Variants in NCALD observed in about 807,000 individuals in gnomAD.
NCALD encodes neurocalcin-delta.
NCALD carries 10 observed loss-of-function variants against 18.6 expected under a neutral mutation model. The ratio of observed to expected loss-of-function variants is 0.54; its 90% CI spans 0.33 to 0.91. The LOEUF is 0.91. Ranked by LOEUF, NCALD falls within the 40% of genes least tolerant of loss-of-function variation. The probability of loss-of-function intolerance (pLI) is 0.03; values close to 1 mark genes in which losing one functional copy is unlikely to be tolerated. For missense variants in NCALD, 184 were observed against 247.6 expected, an observed-to-expected ratio of 0.74 and a Z score of 1.72; for synonymous variants, 88 against 87.4, an observed-to-expected ratio of 1.01 and a Z score of -0.04.
chr8:101,690,935 G>A lies in NCALD; in HGVS notation c.485-1529C>T, dbSNP rs75635192. 1.0e-3 allele frequency: 1,000 copies of A among 985,432 alleles called. 20 individuals carry two copies. In the East Asian group the frequency reaches 0.062, roughly 61 times the overall value. 61.0% of individuals were successfully genotyped at this position (985,432 alleles called of 1,614,324 possible). A position where few individuals can be genotyped will look rare whatever the true frequency, so the allele number is the denominator to read the frequency against. On this transcript the variant is annotated intron_variant, in intron 3 of 3. Coordinates refer to ENST00000220931, the MANE Select transcript of NCALD (RefSeq NM_032041.3). ...GGGCAGACCTGGAGCTCGGCATGAC[G>A]TCTGGCTTTCTTCACTTAACTGTCT...
In NCALD at chr8:102,047,682, G is replaced by A. The variant is rs966316501; in HGVS notation, c.-209-27393C>T. 5.9e-5 allele frequency among the ~76,000 whole-genome samples: 9 copies of A among 152,260 alleles called. No individual in the cohort carries two copies. In the South Asian group the frequency reaches 6.2e-4, roughly 11 times the overall value. On this transcript the variant is annotated intron_variant, in intron 1 of 6. Transcript: ENST00000311028. ...GGTACCGTTTATTGAGCATTTATCCGGGACCAAGCATTAGCCTAAGCCTTT... is the reference window on the plus strand; with the variant it reads ...GGTACCGTTTATTGAGCATTTATCCAGGACCAAGCATTAGCCTAAGCCTTT...
intron 1 of NCALD, among the ~76,000 whole-genome samples, chr8:101,753,880 C>G (rs1454582356): frequency 6.6e-6 from 1 of 152,182 alleles, no homozygotes; most frequent in Non-Finnish European, 1.5e-5. Flanking sequence ...AGCACTCTAC[C>G]TCTGGACTTC....
At chr8:101,882,788 A>T (rs549281) in intron 4 of NCALD, among the ~76,000 whole-genome samples, 34,695 of 152,146 alleles carry the variant, frequency 0.23, 4,173 homozygotes, top group East Asian at 0.36. Context: ...AATACTCTCT[A>T]TGTAGCTATG....
intron 4 of NCALD, among the ~76,000 whole-genome samples, chr8:101,818,403 T>A (rs1264190458): frequency 6.6e-6 from 1 of 152,122 alleles, no homozygotes; most frequent in Non-Finnish European, 1.5e-5. Context: ...GAGAATGCTG[T>A]CTTAGGAGAG....
chr8:102,073,931 T>C (rs1441764877), intron 1 of NCALD, among the ~76,000 whole-genome samples: 1 of 152,250 alleles, frequency 6.6e-6, no homozygotes, highest in African/African-American at 2.4e-5. Flanking sequence ...TTTTGGAATC[T>C]GGCAGTTGAA....
chr8:101,988,313 T>C (rs928453577), intron 2 of NCALD, among the ~76,000 whole-genome samples: 1 of 152,162 alleles, frequency 6.6e-6, no homozygotes, highest in Non-Finnish European at 1.5e-5. Context: ...CAGATTAACA[T>C]ATGCATGTAT....
intron 1 of NCALD, among the ~76,000 whole-genome samples, chr8:102,022,621 T>C (rs1430790281): frequency 3.3e-5 from 5 of 152,186 alleles, no homozygotes; most frequent in Admixed American, 3.3e-4. Flanking sequence ...GTCCACTACC[T>C]TACAGAAAAC....
chr8:101,825,377 G>A (rs574060123), intron 4 of NCALD, among the ~76,000 whole-genome samples: 1 of 152,364 alleles, frequency 6.6e-6, no homozygotes, highest in South Asian at 2.1e-4. Flanking sequence ...GACTTGTGGA[G>A]AATGTGTGAG....
chr8:101,856,545 GTGC>G (rs987430228), intron 4 of NCALD, among the ~76,000 whole-genome samples: 14 of 152,054 alleles, frequency 9.2e-5, no homozygotes, highest in African/African-American at 3.1e-4. Context: ...TGAAGAAATG[GTGC>G]TGCTATTAAG....
intron 1 of NCALD, among the ~76,000 whole-genome samples, chr8:102,109,718 A>G (rs769818752): frequency 2.8e-4 from 42 of 152,360 alleles, no homozygotes; most frequent in Non-Finnish European, 5.7e-4. Flanking sequence ...AATAATATGT[A>G]TACTATGACT....
intron 2 of NCALD, among the ~76,000 whole-genome samples, chr8:101,710,552 G>A (rs1815737221): frequency 6.6e-6 from 1 of 152,218 alleles, no homozygotes; most frequent in African/African-American, 2.4e-5. Flanking sequence ...GTCTGATGTT[G>A]ACCTGGGATG....
intron 1 of NCALD, among the ~76,000 whole-genome samples, chr8:102,085,079 C>T (rs148948415): frequency 0.02 from 3,042 of 152,262 alleles, 44 homozygotes; most frequent in Admixed American, 0.048. Flanking sequence ...TCTGTACATG[C>T]ACACGCCTGG....
At chr8:102,010,604 G>A (rs77281974) in intron 2 of NCALD, among the ~76,000 whole-genome samples, 1,535 of 152,274 alleles carry the variant, frequency 0.01, 11 homozygotes, top group Non-Finnish European at 0.017. Context: ...TGTTCATTTG[G>A]GCCTTCAAAT....
chr8:101,886,038 G>A (rs1456134778), intron 4 of NCALD, among the ~76,000 whole-genome samples: 1 of 152,142 alleles, frequency 6.6e-6, no homozygotes, highest in African/African-American at 2.4e-5. Flanking sequence ...TGGCCTCCAG[G>A]AGAAATGCAA....
intron 2 of NCALD, among the ~76,000 whole-genome samples, chr8:102,016,281 G>A (rs1822081782): frequency 6.6e-6 from 1 of 152,146 alleles, no homozygotes; most frequent in South Asian, 2.1e-4. Context: ...AAGGTTGGCT[G>A]CCTTGAAGAG....
At chr8:102,082,294 G>T (rs554734295) in intron 1 of NCALD, among the ~76,000 whole-genome samples, 3 of 139,650 alleles carry the variant, frequency 2.1e-5, no homozygotes, top group African/African-American at 8.2e-5. Context: ...GTGCAGTGGC[G>T]CAGTCTGGGC....
At chr8:102,041,156 C>T (rs1186747973) in intron 1 of NCALD, among the ~76,000 whole-genome samples, 1 of 152,176 alleles carries the variant, frequency 6.6e-6, no homozygotes, top group African/African-American at 2.4e-5. Flanking sequence ...CTTTTATTAT[C>T]TGCACTCTTT....
At chr8:102,028,696 C>A (rs968758868) in intron 1 of NCALD, among the ~76,000 whole-genome samples, 1 of 152,174 alleles carries the variant, frequency 6.6e-6, no homozygotes, top group East Asian at 1.9e-4. Context: ...TTCCTTTGCC[C>A]GCCATATGTG....
chr8:101,841,670 G>A (rs193091949), intron 4 of NCALD, among the ~76,000 whole-genome samples: 75 of 152,316 alleles, frequency 4.9e-4, no homozygotes, highest in African/African-American at 1.6e-3. Context: ...TTCTGTAAGC[G>A]TCTATAAGCT....
Sources: gnomAD v4.1 joint callset for allele counts (sites outside exome capture counted in the v4.1 genomes callset) on GRCh38, gnomAD v4.1.1 for gene constraint, MANE v1.5 for transcripts, NCBI Gene and HGNC (gene_info 2026-07-23, HGNC 2026-07-21) for gene names.